SLC6A13: variants seen among roughly 807,000 people sequenced by gnomAD.
The protein encoded by SLC6A13 is sodium- and chloride-dependent GABA transporter 2.
In SLC6A13, 69 loss-of-function variants were observed where a neutral mutation model predicts 72.9. That is an observed-to-expected ratio of 0.95 (90% CI 0.78 to 1.16). The LOEUF (loss-of-function observed/expected upper bound fraction) is 1.16. Among genes scored for constraint, SLC6A13 ranks in the 50% most tolerant of loss-of-function variants. The pLI, the probability that SLC6A13 is intolerant of heterozygous loss-of-function variation, is 0.00. For synonymous variants in SLC6A13, 303 were observed against 303.0 expected (o/e 1.00, Z 0.00); for missense variants, 735 against 760.5 (o/e 0.97, Z 0.39).
At chr12:229,305 C>T (rs769377017) in intron 7 of SLC6A13, among the ~76,000 whole-genome samples, 3 of 152,220 alleles carry the variant, frequency 2.0e-5, no homozygotes, top group Non-Finnish European at 2.9e-5. Flanking sequence ...AGAAAAGTTT[C>T]AGTGTGATGC....
rs369293479 is a variant in SLC6A13, at chr12:242,561, G to A, written c.478+53C>T. On this transcript the variant is annotated intron_variant, in intron 4 of 14. Coordinates refer to ENST00000343164, the MANE Select transcript of SLC6A13 (RefSeq NM_016615.5). ...GGGATATAGTGACAAGCCCAATTCC[G>A]GTTAATGTGGCAGAACGAGAGGAGG... 125 of 1,560,440 alleles carry A rather than the reference G, an allele frequency of 8.0e-5. 1 individual carries two copies. Among genetic ancestry groups the A allele is most frequent in the South Asian group, 4.0e-4 (34 of 85,276 alleles).
At position 262,791 on chromosome 12, in the gene SLC6A13, T is replaced by C. The variant is rs1942970724; in HGVS notation, c.-8A>G. ...AAAGAGAAGAAAACATTTCGAACCT[T>C]AGTGAAGCTGCTGCCAGAGGTCCAG... On this transcript the variant is annotated splice_region_variant and 5_prime_UTR_variant, in exon 1 of 15. Transcript: ENST00000343164. 4 of 668,978 alleles carry C rather than the reference T, an allele frequency of 6.0e-6. No homozygotes were observed. In the South Asian group the frequency reaches 2.0e-4, roughly 34 times the overall value. 41.4% of individuals were successfully genotyped at this position (668,978 alleles called of 1,614,324 possible). A position where few individuals can be genotyped will look rare whatever the true frequency, so the allele number is the denominator to read the frequency against.
intron 2 of SLC6A13, among the ~76,000 whole-genome samples, chr12:251,477 A>G (rs987974767): frequency 6.6e-6 from 1 of 152,206 alleles, no homozygotes; most frequent in Admixed American, 6.5e-5. Context: ...TTAAGCCAAA[A>G]TGAAACATAG....
rs111745811 is a variant in SLC6A13 at position 255,182 on chromosome 12, T to C, written c.202+4669A>G. ...ATCGCGGGGGCTCTAGTCCCAGGCA[T>C]TCGGGTGCTGAGCTACTCGCTCTGC... is the stretch of plus-strand genomic sequence containing the variant. On this transcript the variant is annotated intron_variant, in intron 2 of 14. Transcript: ENST00000343164. Among the ~76,000 whole-genome samples the C allele has an allele frequency of 3.3e-3, 498 of 152,132 alleles. 2 individuals are homozygous for C. The highest frequency in any genetic ancestry group is 0.012 in the African/African-American group (480 of 41,514).
At chr12:237,789 A>G in intron 5 of SLC6A13, 137 bp downstream of exon 5, 1 of 676,450 alleles carries the variant, frequency 1.5e-6, no homozygotes, top group South Asian at 1.8e-5. Context: ...AACCACAAAC[A>G]TAGGCACCAC....
rs937796175 is a variant in SLC6A13 at position 226,508 on chromosome 12, G to A, written c.942C>T (p.Cys314=). 2 of 1,613,792 alleles carry A rather than the reference G, an allele frequency of 1.2e-6. No homozygotes were observed. Among genetic ancestry groups the A allele is most frequent in the Non-Finnish European group, 1.7e-6 (2 of 1,179,770 alleles). ...NKYHNNCYRD[C]IALCFLNSGT... Reference sequence around the variant, plus strand: ...CGCTGTTGAGGAAGCAGAGGGCGATGCAGTCCCTGTGGGGCAGGGGTGAGG... The same window carrying A: ...CGCTGTTGAGGAAGCAGAGGGCGATACAGTCCCTGTGGGGCAGGGGTGAGG... The change falls in exon 9 of 15, where the codon TGC becomes TGT. Residue 314 remains cysteine (C), a synonymous_variant. Transcript: ENST00000343164.
chr12:262,088 G>A (rs1222390962), intron 1 of SLC6A13, among the ~76,000 whole-genome samples: 1 of 152,132 alleles, frequency 6.6e-6, no homozygotes, highest in African/African-American at 2.4e-5. Context: ...GACTGTGCTG[G>A]CCTCCCCTCC....
rs150922389 is a variant in SLC6A13 at position 242,627 on chromosome 12, A to G, written c.465T>C (p.His155=). Residue 155 remains histidine, a synonymous_variant, in exon 4 of 15, where the codon CAT becomes CAC. Transcript: ENST00000343164. ...TIDLPWGGCY[H]EWNTEHCMEF... ...TGAGGACCATACCTGTGTTCCACTC[A>G]TGGTAGCAGCCGCCCCAGGGCAGGT... The G allele has an allele frequency of 6.8e-6, 11 of 1,613,942 alleles. No individual in the cohort carries two copies. In the East Asian group the frequency reaches 2.5e-4, roughly 36 times the overall value.
At chr12:255,918 G>A (rs560452124) in intron 2 of SLC6A13, among the ~76,000 whole-genome samples, 3 of 152,150 alleles carry the variant, frequency 2.0e-5, no homozygotes, top group East Asian at 3.9e-4. Flanking sequence ...CTCTTGCTTC[G>A]TTTCAACCTT....
chr12:227,011 T>G, intron 8 of SLC6A13: 1 of 165,668 alleles, frequency 6.0e-6, no homozygotes, highest in Non-Finnish European at 1.3e-5. Context: ...ACAAACCAGG[T>G]AGGCAAGGAG....
chr12:259,787 T>C lies in SLC6A13; in HGVS notation c.202+64A>G, dbSNP rs117603556. 2.2e-3 allele frequency: 3,585 copies of C among 1,614,172 alleles called. 95 individuals are homozygous for C. The East Asian group carries it at 0.065, about 29-fold the overall frequency. ...TGGGACTCCCCAGAGGGGCCGTAAG[T>C]GCAGGAGATGGAAGTATCCTCCTTC... On this transcript the variant is annotated intron_variant, in intron 2 of 14. Coordinates refer to ENST00000343164, the MANE Select transcript of SLC6A13 (RefSeq NM_016615.5).
At chr12:253,334 T>C (rs1012509012) in intron 2 of SLC6A13, 1 of 152,268 alleles carries the variant, frequency 6.6e-6, no homozygotes, top group African/African-American at 2.4e-5. Context: ...TGTGCTGTCC[T>C]CGGCATGAGC....
chr12:239,513 T>C (rs1376304261), intron 4 of SLC6A13, among the ~76,000 whole-genome samples: 1 of 152,228 alleles, frequency 6.6e-6, no homozygotes, highest in Admixed American at 6.5e-5. Flanking sequence ...ACCATGCCAC[T>C]TAAAATTGCA....
intron 2 of SLC6A13, 42 bp from the exon 3 acceptor site, chr12:243,855 T>G (rs1229299303): frequency 6.3e-7 from 1 of 1,598,696 alleles, no homozygotes; most frequent in African/African-American, 1.3e-5. Context: ...GGGACTATTC[T>G]CCTCATGGTC....
At position 238,300 on chromosome 12, in the gene SLC6A13, G is replaced by A. The variant is rs1324475914; in HGVS notation, c.479-290C>T. 3.6e-6 allele frequency: 5 copies of A among 1,405,320 alleles called. No individual in the cohort carries two copies. In the East Asian group the frequency reaches 1.4e-4, roughly 40 times the overall value. The allele number at this position is 1,405,320 out of a possible 1,614,324, so 87.1% of individuals were successfully genotyped here. On this transcript the variant is annotated intron_variant, in intron 4 of 14. Transcript: ENST00000343164. The stretch of plus-strand genomic sequence containing the variant: ...TGCTCTTCAGGTCAGCTGCTTCAAG[G>A]CATGCTAACATTTCTATGTAAGCGT...
chr12:247,247 A>T (rs1942388719), intron 2 of SLC6A13, among the ~76,000 whole-genome samples: 1 of 152,042 alleles, frequency 6.6e-6, no homozygotes, highest in Admixed American at 6.5e-5. Flanking sequence ...AGATTAAAAA[A>T]AAAATGAAAA....
intron 9 of SLC6A13, 76 bp downstream of exon 9, chr12:226,314 G>A (rs937844886): frequency 1.9e-6 from 3 of 1,586,692 alleles, no homozygotes; most frequent in African/African-American, 2.7e-5. Context: ...GTGACACAAT[G>A]GAAACGCCTC....
At chr12:225,495 C>T (rs1422404648) in intron 9 of SLC6A13, among the ~76,000 whole-genome samples, 1 of 152,076 alleles carries the variant, frequency 6.6e-6, no homozygotes, top group East Asian at 1.9e-4. Flanking sequence ...ACTAAAAATA[C>T]AAAAATTAGC....
chr12:225,501 T>C (rs576016694), intron 9 of SLC6A13, among the ~76,000 whole-genome samples: 1 of 152,084 alleles, frequency 6.6e-6, no homozygotes, highest in East Asian at 1.9e-4. Flanking sequence ...AATACAAAAA[T>C]TAGCCGGGCG....
Sources: gnomAD v4.1 joint callset for allele counts (sites outside exome capture counted in the v4.1 genomes callset) on GRCh38, gnomAD v4.1.1 for gene constraint, MANE v1.5 for transcripts, NCBI Gene and HGNC (gene_info 2026-07-23, HGNC 2026-07-21) for gene names.